Variants in ZDHHC14 observed in about 807,000 individuals in gnomAD.
ZDHHC14 encodes the protein palmitoyltransferase ZDHHC14.
A neutral mutation model predicts 47.7 loss-of-function variants in ZDHHC14; 16 were observed. The ratio of observed to expected loss-of-function variants is 0.34; its 90% confidence interval spans 0.23 to 0.51. The LOEUF (loss-of-function observed/expected upper bound fraction) is 0.51, where lower values mean the gene tolerates loss of function less well. Among genes scored for constraint, ZDHHC14 ranks in the 20% least tolerant of loss-of-function variants. The pLI is 0.97. For missense variants in ZDHHC14, 515 were observed against 662.5 expected, an observed-to-expected ratio of 0.78 and a Z score of 2.44; for synonymous variants, 293 against 278.9, an observed-to-expected ratio of 1.05 and a Z score of -0.50.
chr6:157,600,189 A>G (rs917445397), intron 3 of ZDHHC14, among the ~76,000 whole-genome samples: 2 of 152,202 alleles, frequency 1.3e-5, no homozygotes, highest in Non-Finnish European at 2.9e-5. Flanking sequence ...CAAAAATAAC[A>G]TGCAGAATAA....
chr6:157,643,801 G>A (rs1276964851), intron 5 of ZDHHC14, among the ~76,000 whole-genome samples: 2 of 151,250 alleles, frequency 1.3e-5, no homozygotes, highest in Non-Finnish European at 3.0e-5. Flanking sequence ...TTCAGTCTGG[G>A]ATTGTCACTG....
intron 1 of ZDHHC14, among the ~76,000 whole-genome samples, chr6:157,443,437 TC>T (rs201919808): frequency 0.014 from 2,161 of 152,308 alleles, 53 homozygotes; most frequent in African/African-American, 0.049. Context: ...CTGAACCCCA[TC>T]CCTTTTGCTC....
intron 1 of ZDHHC14, among the ~76,000 whole-genome samples, chr6:157,429,601 G>A (rs1056281844): frequency 4.7e-5 from 7 of 150,374 alleles, no homozygotes; most frequent in African/African-American, 1.5e-4. Context: ...GAGGGAGGGA[G>A]AGAAGGAGGG....
At chr6:157,547,858 C>T (rs1401318071) in intron 2 of ZDHHC14, among the ~76,000 whole-genome samples, 1 of 148,730 alleles carries the variant, frequency 6.7e-6, no homozygotes, top group Non-Finnish European at 1.5e-5. Context: ...GATTTTTTAC[C>T]ATATGCAATT....
chr6:157,646,923 A>G (rs1777583049), intron 6 of ZDHHC14, among the ~76,000 whole-genome samples: 1 of 152,168 alleles, frequency 6.6e-6, no homozygotes, highest in Non-Finnish European at 1.5e-5. Context: ...AATTAGGGGA[A>G]CCATTTCACC....
chr6:157,591,190 C>T (rs906876757), intron 2 of ZDHHC14, among the ~76,000 whole-genome samples: 1 of 152,130 alleles, frequency 6.6e-6, no homozygotes, highest in African/African-American at 2.4e-5. Flanking sequence ...CTAGAATGAG[C>T]TAAGACTTTG....
chr6:157,436,578 G>A (rs1778442833), intron 1 of ZDHHC14, among the ~76,000 whole-genome samples: 1 of 143,740 alleles, frequency 7.0e-6, no homozygotes, highest in Non-Finnish European at 1.5e-5. Flanking sequence ...TTGAACTGCT[G>A]GGGGAGGGGG....
chr6:157,672,016 G>A (rs914571289), intron 8 of ZDHHC14, among the ~76,000 whole-genome samples: 4 of 151,946 alleles, frequency 2.6e-5, no homozygotes, highest in South Asian at 2.1e-4. Context: ...TCTTCCTCCC[G>A]CCCCAGCAGC....
chr6:157,412,693 T>C (rs1284710606), intron 1 of ZDHHC14, among the ~76,000 whole-genome samples: 1 of 152,182 alleles, frequency 6.6e-6, no homozygotes, highest in East Asian at 1.9e-4. Flanking sequence ...CTTTGGAGAA[T>C]TGGAGAATGA....
At chr6:157,471,710 G>A (rs1051433209) in intron 1 of ZDHHC14, among the ~76,000 whole-genome samples, 1 of 152,194 alleles carries the variant, frequency 6.6e-6, no homozygotes, top group Non-Finnish European at 1.5e-5. Flanking sequence ...AGCCGGACAA[G>A]AGGGAATGAA....
At chr6:157,501,629 G>A (rs9355722) in intron 1 of ZDHHC14, among the ~76,000 whole-genome samples, 103,000 of 152,116 alleles carry the variant, frequency 0.68, 35,679 homozygotes, top group African/African-American at 0.83. Context: ...TCTAAAGTTA[G>A]TATTGTTTTA....
At chr6:157,672,624 AC>A (rs1432546832) in intron 8 of ZDHHC14, 99 bp from the exon 9 acceptor site, 1 of 273,144 alleles carries the variant, frequency 3.7e-6, no homozygotes, top group Non-Finnish European at 7.2e-6. Flanking sequence ...CTCTTCTCGC[AC>A]CCCACCCTCC....
chr6:157,605,586 C>G (rs973269295), intron 3 of ZDHHC14, among the ~76,000 whole-genome samples: 1 of 152,196 alleles, frequency 6.6e-6, no homozygotes, highest in Admixed American at 6.5e-5. Flanking sequence ...AAGGTAAGAA[C>G]TGGAAGGCAG....
At chr6:157,480,895 T>C (rs1779611810) in intron 1 of ZDHHC14, among the ~76,000 whole-genome samples, 1 of 151,964 alleles carries the variant, frequency 6.6e-6, no homozygotes, top group Admixed American at 6.6e-5. Context: ...TTTTCCTTAT[T>C]CTCCAATCTT....
intron 1 of ZDHHC14, among the ~76,000 whole-genome samples, chr6:157,422,773 C>A (rs573565869): frequency 1.3e-5 from 2 of 152,204 alleles, no homozygotes; most frequent in Non-Finnish European, 1.5e-5. Flanking sequence ...TTTGTATCGA[C>A]CCCTTCTGTG....
At chr6:157,440,080 G>A (rs933612368) in intron 1 of ZDHHC14, among the ~76,000 whole-genome samples, 1 of 151,958 alleles carries the variant, frequency 6.6e-6, no homozygotes, top group Non-Finnish European at 1.5e-5. Flanking sequence ...CTAGGTGATA[G>A]GTTGATCTGT....
At chr6:157,420,953 C>T (rs1401305630) in intron 1 of ZDHHC14, among the ~76,000 whole-genome samples, 1 of 152,192 alleles carries the variant, frequency 6.6e-6, no homozygotes, top group Non-Finnish European at 1.5e-5. Context: ...TCTCAGATGA[C>T]CCCACCTCAT....
At chr6:157,550,947 A>T (rs962930453) in intron 2 of ZDHHC14, among the ~76,000 whole-genome samples, 1 of 152,166 alleles carries the variant, frequency 6.6e-6, no homozygotes, top group Non-Finnish European at 1.5e-5. Context: ...AAGGGGAAGG[A>T]TGATGGCATA....
intron 2 of ZDHHC14, among the ~76,000 whole-genome samples, chr6:157,584,164 A>T (rs2114877639): frequency 6.6e-6 from 1 of 152,064 alleles, no homozygotes; most frequent in East Asian, 1.9e-4. Flanking sequence ...CACCTCAGAG[A>T]ACTGCTGAGC....
Sources: allele counts gnomAD v4.1 joint callset (sites outside exome capture counted in the v4.1 genomes callset), GRCh38; gene constraint gnomAD v4.1.1; transcripts MANE v1.5; gene names NCBI Gene and HGNC (gene_info 2026-07-23, HGNC 2026-07-21).